The following GRID2 variants were observed in gnomAD, a reference collection of about 807,000 sequenced individuals.
GRID2 encodes glutamate receptor ionotropic, delta-2.
In GRID2, 33 loss-of-function variants were observed where a neutral mutation model predicts 114.8. That is an observed-to-expected ratio of 0.29 (90% CI 0.22 to 0.38). The LOEUF (loss-of-function observed/expected upper bound fraction) is 0.38. GRID2 is among the 10% of genes least tolerant of loss of function. GRID2 has a pLI of 1.00. For missense variants in GRID2, 1,184 were observed against 1,257.7 expected (o/e 0.94, Z 0.89); for synonymous variants, 505 against 449.9 (o/e 1.12, Z -1.55).
At chr4:92,706,788 ACAGATTAAATT>A (rs1287710661) in intron 2 of GRID2, among the ~76,000 whole-genome samples, 1 of 152,224 alleles carries the variant, frequency 6.6e-6, no homozygotes, top group East Asian at 1.9e-4. Flanking sequence ...TGGTTTAAAT[ACAGATTAAATT>A]CAGATTAAAT....
In GRID2 at chr4:93,084,961, C is replaced by T. The variant is rs199998305; in HGVS notation, c.245-34C>T. 3.6e-4 allele frequency: 570 copies of T among 1,581,974 alleles called. 3 individuals carry two copies. The African/African-American group carries it at 7.1e-3, about 20-fold the overall frequency. ...AAAAGGGAAAACTATGTGAAACCCA[C>T]TGACATTTTGAATATTACTGTGCTT... On this transcript the variant is annotated intron_variant, in intron 2 of 15. Coordinates refer to ENST00000282020, the MANE Select transcript of GRID2 (RefSeq NM_001510.4).
chr4:92,822,546 G>A (rs1741361044), intron 2 of GRID2: 4 of 281,218 alleles, frequency 1.4e-5, no homozygotes, highest in South Asian at 1.3e-4. Context: ...TAACTAGACG[G>A]TTTTATCTCA....
chr4:92,815,946 AAAAAAC>A (rs1740879062), intron 2 of GRID2, among the ~76,000 whole-genome samples: 1 of 145,980 alleles, frequency 6.9e-6, no homozygotes, highest in Admixed American at 6.7e-5. Flanking sequence ...AAAGGAAAGA[AAAAAAC>A]AAAAAGCCAA....
At chr4:92,555,423 T>C (rs549625332) in intron 1 of GRID2, among the ~76,000 whole-genome samples, 1 of 152,272 alleles carries the variant, frequency 6.6e-6, no homozygotes, top group African/African-American at 2.4e-5. Flanking sequence ...GAAGCTTAAC[T>C]TCAATTTCAT....
At position 92,572,112 on chromosome 4, in the gene GRID2, A is replaced by T. The variant is rs562988554; in HGVS notation, c.89-18019A>T. On this transcript the variant is annotated intron_variant, in intron 1 of 15. Transcript: ENST00000282020. ...ATCCAGGAGCTGGTTTTTTGAAAAG[A>T]TCAACAAATTGATAGACTGCTAGCA... 2.3e-4 allele frequency among the ~76,000 whole-genome samples: 35 copies of T among 152,086 alleles called. No individual in the cohort carries two copies. The South Asian group carries it at 7.1e-3, about 31-fold the overall frequency.
intron 2 of GRID2, among the ~76,000 whole-genome samples, chr4:93,059,632 C>A (rs1325543745): frequency 6.6e-6 from 1 of 152,046 alleles, no homozygotes; most frequent in South Asian, 2.1e-4. Context: ...AATATGTTAA[C>A]AGTACTATGT....
intron 4 of GRID2, among the ~76,000 whole-genome samples, chr4:93,170,640 C>T (rs989869231): frequency 4.6e-5 from 7 of 152,122 alleles, no homozygotes; most frequent in Admixed American, 3.3e-4. Context: ...CTAATGTCAA[C>T]CAAGATCTGT....
chr4:93,438,386 A>G (rs1721307079), intron 10 of GRID2, among the ~76,000 whole-genome samples: 1 of 152,118 alleles, frequency 6.6e-6, no homozygotes, highest in Non-Finnish European at 1.5e-5. Context: ...GTAGGAGTAT[A>G]AGAGGCAACA....
At chr4:93,089,711 G>T (rs1245825964) in intron 3 of GRID2, among the ~76,000 whole-genome samples, 1 of 152,232 alleles carries the variant, frequency 6.6e-6, no homozygotes, top group East Asian at 1.9e-4. Flanking sequence ...AATGCTGTCA[G>T]AAATTGTAAA....
At chr4:93,195,492 C>CTAACATATG (rs1741395989) in intron 4 of GRID2, among the ~76,000 whole-genome samples, 1 of 152,138 alleles carries the variant, frequency 6.6e-6, no homozygotes, top group South Asian at 2.1e-4. Context: ...TCCAGTGGTT[C>CTAACATATG]TAACATATGC....
chr4:93,298,327 G>C (rs938222514), intron 8 of GRID2, among the ~76,000 whole-genome samples: 1 of 152,180 alleles, frequency 6.6e-6, no homozygotes, highest in Non-Finnish European at 1.5e-5. Context: ...TCTAAGATCA[G>C]GAGGCCAGTG....
At chr4:93,523,266 T>C (rs1230491432) in intron 13 of GRID2, among the ~76,000 whole-genome samples, 1 of 152,068 alleles carries the variant, frequency 6.6e-6, no homozygotes, top group Non-Finnish European at 1.5e-5. Flanking sequence ...AAAGGAAATT[T>C]CAAAAAACAA....
intron 2 of GRID2, among the ~76,000 whole-genome samples, chr4:92,907,937 C>A (rs895806255): frequency 1.3e-5 from 2 of 151,980 alleles, no homozygotes; most frequent in Admixed American, 1.3e-4. Context: ...GCAGGAGAAT[C>A]GCTTGAATCC....
At chr4:93,676,987 C>G (rs867968387) in intron 14 of GRID2, among the ~76,000 whole-genome samples, 1 of 151,636 alleles carries the variant, frequency 6.6e-6, no homozygotes, top group African/African-American at 2.4e-5. Context: ...TTGCCTCACT[C>G]GGGAAGCGCA....
chr4:92,629,771 G>GT (rs1489658098), intron 2 of GRID2, among the ~76,000 whole-genome samples: 2 of 146,880 alleles, frequency 1.4e-5, no homozygotes, highest in East Asian at 4.1e-4. Flanking sequence ...TTTAAAATAT[G>GT]TTTTTTCTTT....
chr4:93,795,354 A>ATGTT (rs1734776525), intron 1 of GRID2, among the ~76,000 whole-genome samples: 1 of 151,902 alleles, frequency 6.6e-6, no homozygotes, highest in Non-Finnish European at 1.5e-5. Flanking sequence ...TATTATATAT[A>ATGTT]TGTTATATAT....
intron 4 of GRID2, among the ~76,000 whole-genome samples, chr4:93,185,256 A>C (rs980416871): frequency 6.6e-6 from 1 of 152,184 alleles, no homozygotes; most frequent in Non-Finnish European, 1.5e-5. Flanking sequence ...ACAGTCCTCT[A>C]TGTGGTAAGA....
chr4:92,466,838 G>A (rs1721775976), intron 1 of GRID2, among the ~76,000 whole-genome samples: 1 of 151,576 alleles, frequency 6.6e-6, no homozygotes, highest in Admixed American at 6.6e-5. Flanking sequence ...ATATGTGTGT[G>A]TGTGTTATAT....
chr4:92,814,897 T>C (rs1740815002), intron 2 of GRID2, among the ~76,000 whole-genome samples: 1 of 151,984 alleles, frequency 6.6e-6, no homozygotes, highest in African/African-American at 2.4e-5. Context: ...AAGAGAAACC[T>C]TTCTCCCTCT....
Sources: gnomAD v4.1 joint callset for allele counts (sites outside exome capture counted in the v4.1 genomes callset) on GRCh38, gnomAD v4.1.1 for gene constraint, MANE v1.5 for transcripts, NCBI Gene and HGNC (gene_info 2026-07-23, HGNC 2026-07-21) for gene names.